NRXN3: variants seen among roughly 807,000 people sequenced by gnomAD.
The protein encoded by NRXN3 is neurexin III.
NRXN3 carries 32 observed loss-of-function variants against 137.6 expected under a neutral mutation model. The observed-to-expected ratio is 0.23, with a 90% CI of 0.18 to 0.31. NRXN3 has a LOEUF of 0.31. NRXN3 is among the 10% of genes least tolerant of loss of function. NRXN3 has a pLI of 1.00. For missense variants in NRXN3, 1,574 were observed against 2,062.5 expected (o/e 0.76, Z 4.59); for synonymous variants, 798 against 784.5 (o/e 1.02, Z -0.29).
At chr14:78,880,666 T>A (rs2152642779) in intron 10 of NRXN3, among the ~76,000 whole-genome samples, 1 of 152,304 alleles carries the variant, frequency 6.6e-6, no homozygotes, top group South Asian at 2.1e-4. Context: ...CAAGAATACC[T>A]GTTACATTAT....
intron 16 of NRXN3, among the ~76,000 whole-genome samples, chr14:79,591,472 A>G (rs900832457): frequency 6.6e-6 from 1 of 152,220 alleles, no homozygotes; most frequent in African/African-American, 2.4e-5. Context: ...ACAGCATCAC[A>G]ATTGTCAGAA....
intron 15 of NRXN3, among the ~76,000 whole-genome samples, chr14:79,172,992 C>A (rs1234920880): frequency 6.6e-6 from 1 of 152,004 alleles, no homozygotes; most frequent in African/African-American, 2.4e-5. Context: ...GTTTTTTTGG[C>A]AAATGGTAGA....
intron 2 of NRXN3, among the ~76,000 whole-genome samples, chr14:78,262,377 C>T (rs917544354): frequency 6.6e-6 from 1 of 152,084 alleles, no homozygotes; most frequent in Non-Finnish European, 1.5e-5. Flanking sequence ...TGGCCCTCTC[C>T]TTCCAGAATG....
chr14:78,173,949 T>C (rs1343166908), intron 1 of NRXN3, among the ~76,000 whole-genome samples: 2 of 151,926 alleles, frequency 1.3e-5, no homozygotes, highest in African/African-American at 4.8e-5. Flanking sequence ...CATCTTTGCA[T>C]GGGGACTGCG....
At chr14:78,319,525 G>T (rs1222862712) in intron 4 of NRXN3, among the ~76,000 whole-genome samples, 1 of 152,190 alleles carries the variant, frequency 6.6e-6, no homozygotes, top group Admixed American at 6.5e-5. Flanking sequence ...TAAGTTGCTT[G>T]TAATTATCAA....
At chr14:79,227,836 CCCTCCCTT>C (rs1482298994) in intron 15 of NRXN3, among the ~76,000 whole-genome samples, 4 of 108,578 alleles carry the variant, frequency 3.7e-5, no homozygotes, top group Admixed American at 9.4e-5. Context: ...CTCCCTTCCT[CCCTCCCTT>C]CCTCCCTCCC....
At chr14:79,488,753 A>T (rs1407690697) in intron 16 of NRXN3, among the ~76,000 whole-genome samples, 2 of 152,214 alleles carry the variant, frequency 1.3e-5, no homozygotes, top group African/African-American at 4.8e-5. Context: ...CTTCTCAGTA[A>T]AGAAAGTTTT....
intron 1 of NRXN3, among the ~76,000 whole-genome samples, chr14:78,205,174 G>C (rs1349910936): frequency 6.6e-6 from 1 of 152,194 alleles, no homozygotes; most frequent in Non-Finnish European, 1.5e-5. Flanking sequence ...GGATGCCAGA[G>C]GGTTAATGTC....
chr14:78,580,845 C>G (rs2096986919), intron 4 of NRXN3, among the ~76,000 whole-genome samples: 1 of 152,172 alleles, frequency 6.6e-6, no homozygotes. Flanking sequence ...CTTTTGTCAT[C>G]CCTCCTGGAA....
At chr14:78,937,216 GAAAA>G (rs2099343871) in intron 10 of NRXN3, among the ~76,000 whole-genome samples, 2 of 145,800 alleles carry the variant, frequency 1.4e-5, no homozygotes, top group African/African-American at 5.0e-5. Context: ...ACAAAGAAAA[GAAAA>G]GAAAAAGAAA....
At chr14:79,122,578 C>T (rs1220796273) in intron 15 of NRXN3, among the ~76,000 whole-genome samples, 1 of 152,044 alleles carries the variant, frequency 6.6e-6, no homozygotes, top group Non-Finnish European at 1.5e-5. Context: ...AAATAAATAC[C>T]TCTGTTAAGA....
chr14:79,320,424 A>C (rs1028626896), intron 15 of NRXN3, among the ~76,000 whole-genome samples: 1 of 152,176 alleles, frequency 6.6e-6, no homozygotes, highest in African/African-American at 2.4e-5. Flanking sequence ...CGCATTGTTA[A>C]TGGGTATATG....
chr14:79,573,093 C>T (rs1309413515), intron 16 of NRXN3: 2 of 152,162 alleles, frequency 1.3e-5, no homozygotes, highest in Non-Finnish European at 2.9e-5. Flanking sequence ...TGAGAAATTT[C>T]TGCAGGTTTG....
intron 15 of NRXN3, among the ~76,000 whole-genome samples, chr14:79,364,997 A>G (rs2093826672): frequency 6.6e-6 from 1 of 152,184 alleles, no homozygotes; most frequent in African/African-American, 2.4e-5. Flanking sequence ...GTATTTTATT[A>G]TAAATAAAGT....
At chr14:79,408,220 G>T (rs2095351048) in intron 15 of NRXN3, among the ~76,000 whole-genome samples, 1 of 152,130 alleles carries the variant, frequency 6.6e-6, no homozygotes, top group African/African-American at 2.4e-5. Context: ...TTGATATGAT[G>T]CAGTTTAACA....
chr14:78,772,453 A>ATC (rs1176401702), intron 8 of NRXN3, among the ~76,000 whole-genome samples: 1 of 152,226 alleles, frequency 6.6e-6, no homozygotes, highest in African/African-American at 2.4e-5. Context: ...AAGTGGAAGA[A>ATC]TGAGTCAATA....
intron 15 of NRXN3, among the ~76,000 whole-genome samples, chr14:79,095,833 T>C (rs1386661196): frequency 6.6e-6 from 1 of 152,142 alleles, no homozygotes; most frequent in Non-Finnish European, 1.5e-5. Context: ...GGAAAATATT[T>C]CCTTCCTTCC....
intron 12 of NRXN3, 117 bp downstream of exon 12, chr14:78,966,523 A>C: frequency 9.5e-7 from 1 of 1,051,554 alleles, no homozygotes; most frequent in Non-Finnish European, 1.4e-6. Flanking sequence ...TTCCTGACAC[A>C]TTCTCGCATC....
Position 78,396,401 on chromosome 14 carries a change from A to G in NRXN3, c.757+98541A>G, listed in dbSNP as rs544184822. Among the ~76,000 whole-genome samples the G allele has an allele frequency of 2.1e-4, 32 of 152,226 alleles. No individual in the cohort carries two copies. The South Asian group carries it at 3.5e-3, about 17-fold the overall frequency. ...AAGGCTCAAAGGAGAAGAAAAGTCTATTTGTCCACATTTTTGCTTACTGTG... is the reference window on the plus strand; with the variant it reads ...AAGGCTCAAAGGAGAAGAAAAGTCTGTTTGTCCACATTTTTGCTTACTGTG... On this transcript the variant is annotated intron_variant, in intron 4 of 20. Transcript: ENST00000335750.
Sources: gnomAD v4.1 joint callset for allele counts (sites outside exome capture counted in the v4.1 genomes callset) on GRCh38, gnomAD v4.1.1 for gene constraint, MANE v1.5 for transcripts, NCBI Gene and HGNC (gene_info 2026-07-23, HGNC 2026-07-21) for gene names.